The following FGGY variants were observed in gnomAD, a reference collection of about 807,000 sequenced individuals.
FGGY encodes FGGY carbohydrate kinase domain containing.
Under a neutral mutation model 71.3 loss-of-function variants are expected in FGGY, and 72 were observed. That is an observed-to-expected ratio of 1.01 (90% CI 0.84 to 1.23). FGGY has a LOEUF of 1.23. Ranked by LOEUF, FGGY falls within the 50% of genes most tolerant of loss-of-function variation. The pLI is 0.00. For missense variants in FGGY, 668 were observed against 682.3 expected, an observed-to-expected ratio of 0.98 and a Z score of 0.23; for synonymous variants, 251 against 250.3, an observed-to-expected ratio of 1.00 and a Z score of -0.02.
At chr1:59,617,412 A>T (rs115094951) in intron 9 of FGGY, among the ~76,000 whole-genome samples, 2,795 of 152,028 alleles carry the variant, frequency 0.018, 67 homozygotes, top group African/African-American at 0.059. Context: ...TTGTATTTTT[A>T]AAAAAAATCT....
intron 14 of FGGY, among the ~76,000 whole-genome samples, chr1:59,679,626 A>C (rs1180974286): frequency 6.6e-6 from 1 of 152,080 alleles, no homozygotes; most frequent in African/African-American, 2.4e-5. Flanking sequence ...TTATTTACTT[A>C]TTAACTATTT....
chr1:59,630,715 A>G (rs945875034), intron 10 of FGGY, among the ~76,000 whole-genome samples: 2 of 152,350 alleles, frequency 1.3e-5, no homozygotes, highest in South Asian at 4.1e-4. Flanking sequence ...TCATAATAAA[A>G]AGAAGAAAGA....
chr1:59,386,788 G>GT (rs1440123490), intron 5 of FGGY, among the ~76,000 whole-genome samples: 2 of 152,066 alleles, frequency 1.3e-5, no homozygotes, highest in Admixed American at 1.3e-4. Flanking sequence ...TGGTTTACTG[G>GT]TTAAATGTTA....
chr1:59,373,611 C>T (rs1399639981), intron 4 of FGGY, among the ~76,000 whole-genome samples: 1 of 152,078 alleles, frequency 6.6e-6, no homozygotes, highest in Non-Finnish European at 1.5e-5. Flanking sequence ...CAATCCTAAG[C>T]CAAAAGAACA....
In FGGY at chr1:59,718,978, C is replaced by T. The variant is rs868068898; in HGVS notation, c.1513-38953C>T. On this transcript the variant is annotated intron_variant, in intron 14 of 15. Coordinates refer to ENST00000303721, the MANE Select transcript of FGGY (RefSeq NM_018291.5). ...TCCTTCTCAGAACAATTGACTTTTG[C>T]CCCTGGGGTACTTATACCTCTTTTG... Among the ~76,000 whole-genome samples the T allele has an allele frequency of 1.4e-4, 22 of 152,278 alleles. 1 individual carries two copies. The Middle Eastern group carries it at 0.02, about 141-fold the overall frequency.
intron 5 of FGGY, among the ~76,000 whole-genome samples, chr1:59,437,082 T>C (rs1310353782): frequency 1.3e-5 from 2 of 152,230 alleles, no homozygotes; most frequent in African/African-American, 2.4e-5. Flanking sequence ...TGCTCTTCCT[T>C]ATCCTTCATA....
chr1:59,553,371 C>G (rs1420252750), intron 7 of FGGY, among the ~76,000 whole-genome samples: 1 of 152,058 alleles, frequency 6.6e-6, no homozygotes, highest in Non-Finnish European at 1.5e-5. Context: ...AATTCCAGGC[C>G]CTAAAGAGTC....
In FGGY at chr1:59,582,072, G is replaced by A. The variant is rs1355035218; in HGVS notation, c.904-25731G>A. Among the ~76,000 whole-genome samples, 4 of 149,230 alleles carry A rather than the reference G, an allele frequency of 2.7e-5. 1 individual carries two copies. The South Asian group carries it at 8.5e-4, about 32-fold the overall frequency. On this transcript the variant is annotated intron_variant, in intron 8 of 15. Coordinates refer to ENST00000303721, the MANE Select transcript of FGGY (RefSeq NM_018291.5). ...GAGACCAGCCTGGGCAACATAGTGA[G>A]ACCCTTCTCTCTTAAAAAGAAAAAA...
At chr1:59,528,104 G>C (rs1310988799) in intron 7 of FGGY, among the ~76,000 whole-genome samples, 2 of 152,186 alleles carry the variant, frequency 1.3e-5, no homozygotes, top group Non-Finnish European at 2.9e-5. Context: ...TTAAAAGATA[G>C]CAAGAGGGGC....
intron 9 of FGGY, among the ~76,000 whole-genome samples, chr1:59,611,616 C>A (rs968794349): frequency 1.3e-5 from 2 of 152,218 alleles, no homozygotes; most frequent in African/African-American, 4.8e-5. Flanking sequence ...AGGAACGCAG[C>A]TCCTCACCAG....
intron 5 of FGGY, among the ~76,000 whole-genome samples, chr1:59,454,007 C>A (rs916392728): frequency 6.6e-6 from 1 of 152,088 alleles, no homozygotes; most frequent in Non-Finnish European, 1.5e-5. Context: ...TTTAAACTTA[C>A]AATGGTACCT....
chr1:59,421,690 A>G (rs1463788860), intron 5 of FGGY, among the ~76,000 whole-genome samples: 2 of 151,984 alleles, frequency 1.3e-5, no homozygotes, highest in Non-Finnish European at 2.9e-5. Context: ...TATACTTGAG[A>G]TATATTGTCT....
chr1:59,609,295 T>C (rs1220472431), intron 9 of FGGY, among the ~76,000 whole-genome samples: 1 of 152,202 alleles, frequency 6.6e-6, no homozygotes, highest in Non-Finnish European at 1.5e-5. Context: ...TGCTAAGGAA[T>C]TGAACTTCGT....
intron 11 of FGGY, among the ~76,000 whole-genome samples, chr1:59,647,131 C>T (rs112401444): frequency 0.071 from 10,785 of 152,134 alleles, 1,033 homozygotes; most frequent in African/African-American, 0.22. Flanking sequence ...AGGTCCAAGA[C>T]ATAAACAATG....
chr1:59,705,942 T>G (rs1004562119), intron 14 of FGGY, among the ~76,000 whole-genome samples: 1 of 152,084 alleles, frequency 6.6e-6, no homozygotes, highest in African/African-American at 2.4e-5. Flanking sequence ...AGCTTGAGAG[T>G]CTGAGGCAAT....
At chr1:59,512,732 AT>A (rs1206755813) in intron 7 of FGGY, among the ~76,000 whole-genome samples, 7 of 152,216 alleles carry the variant, frequency 4.6e-5, no homozygotes, top group Non-Finnish European at 7.4e-5. Context: ...CAAAAAAGAT[AT>A]GTTAATTTCT....
At chr1:59,578,986 G>A (rs376846238) in intron 8 of FGGY, among the ~76,000 whole-genome samples, 3 of 152,044 alleles carry the variant, frequency 2.0e-5, no homozygotes, top group African/African-American at 7.3e-5. Flanking sequence ...AGCTTCTCAA[G>A]TGCTGTATAA....
chr1:59,526,777 G>A (rs150434537), intron 7 of FGGY, among the ~76,000 whole-genome samples: 25 of 152,318 alleles, frequency 1.6e-4, no homozygotes, highest in African/African-American at 5.3e-4. Flanking sequence ...CCGGGAAGAC[G>A]GAGCCTGTGT....
At chr1:59,590,482 C>A (rs1389884494) in intron 8 of FGGY, among the ~76,000 whole-genome samples, 1 of 152,054 alleles carries the variant, frequency 6.6e-6, no homozygotes, top group African/African-American at 2.4e-5. Flanking sequence ...AGAGACACAA[C>A]CAAAAAAGAG....
Sources: gnomAD v4.1 joint callset for allele counts (sites outside exome capture counted in the v4.1 genomes callset) on GRCh38, gnomAD v4.1.1 for gene constraint, MANE v1.5 for transcripts, NCBI Gene and HGNC (gene_info 2026-07-23, HGNC 2026-07-21) for gene names.